CNTN5: variants seen among roughly 807,000 people sequenced by gnomAD.
CNTN5 encodes the protein contactin 5, also known as contactin-5.
Under a neutral mutation model 129.1 loss-of-function variants are expected in CNTN5, and 77 were observed. That is an observed-to-expected ratio of 0.60 (90% confidence interval 0.50 to 0.72). CNTN5 has a LOEUF of 0.72. Among genes scored for constraint, CNTN5 ranks in the 30% least tolerant of loss-of-function variants. The probability of loss-of-function intolerance (pLI) is 0.00; values close to 1 mark genes in which losing one functional copy is unlikely to be tolerated. For missense variants in CNTN5, 1,478 were observed against 1,328.8 expected (o/e 1.11, Z -1.75); for synonymous variants, 509 against 465.6 (o/e 1.09, Z -1.20).
chr11:100,350,680 T>C (rs1413931822), intron 23 of CNTN5, 22 bp from the exon 24 acceptor site: 2 of 1,583,764 alleles, frequency 1.3e-6, no homozygotes, highest in Non-Finnish European at 1.7e-6. Context: ...ATCAAATGTC[T>C]AAACCTTGTT....
At chr11:99,854,131 T>C (rs1056118854) in intron 6 of CNTN5, among the ~76,000 whole-genome samples, 3 of 152,184 alleles carry the variant, frequency 2.0e-5, no homozygotes, top group Non-Finnish European at 4.4e-5. Flanking sequence ...GCAAAATCAG[T>C]ACAAACCATT....
chr11:99,162,157 A>G (rs1227005026), intron 1 of CNTN5, among the ~76,000 whole-genome samples: 3 of 152,158 alleles, frequency 2.0e-5, no homozygotes, highest in African/African-American at 7.2e-5. Flanking sequence ...ATCTAAACTA[A>G]AAAGAGCTAT....
chr11:100,044,152 A>T (rs1338030247), intron 9 of CNTN5, among the ~76,000 whole-genome samples: 1 of 107,948 alleles, frequency 9.3e-6, no homozygotes. Context: ...ATGTACACAC[A>T]TATATATTAC....
intron 15 of CNTN5, among the ~76,000 whole-genome samples, chr11:100,205,538 A>ACAC (rs1016747487): frequency 5.3e-5 from 8 of 152,060 alleles, no homozygotes; most frequent in African/African-American, 1.9e-4. Flanking sequence ...GAGAAGCATG[A>ACAC]CACCATTTTA....
intron 8 of CNTN5, among the ~76,000 whole-genome samples, chr11:99,993,219 C>T (rs1939232675): frequency 6.6e-6 from 1 of 152,118 alleles, no homozygotes; most frequent in African/African-American, 2.4e-5. Context: ...TATGCCTGGA[C>T]TATTATACTC....
chr11:100,342,152 GAC>G (rs3220443), intron 23 of CNTN5, among the ~76,000 whole-genome samples: 1,811 of 146,936 alleles, frequency 0.012, 16 homozygotes, highest in African/African-American at 0.016. Context: ...ATAGATCACA[GAC>G]ACACACACAC....
intron 3 of CNTN5, among the ~76,000 whole-genome samples, chr11:99,666,119 C>T (rs1952782393): frequency 6.6e-6 from 1 of 152,054 alleles, no homozygotes; most frequent in African/African-American, 2.4e-5. Context: ...AGGTATGTGT[C>T]ACCACGCCCG....
intron 2 of CNTN5, among the ~76,000 whole-genome samples, chr11:99,545,249 A>C: frequency 6.6e-6 from 1 of 152,342 alleles, no homozygotes; most frequent in East Asian, 1.9e-4. Flanking sequence ...TTGCCTTGGA[A>C]TTATTTACAA....
chr11:99,748,935 C>T (rs1422954729), intron 3 of CNTN5, among the ~76,000 whole-genome samples: 1 of 152,140 alleles, frequency 6.6e-6, no homozygotes, highest in African/African-American at 2.4e-5. Context: ...TTAGGCCAGT[C>T]AAGTTGACAC....
At chr11:100,276,700 T>A (rs1036702535) in intron 18 of CNTN5, among the ~76,000 whole-genome samples, 1 of 152,066 alleles carries the variant, frequency 6.6e-6, no homozygotes, top group African/African-American at 2.4e-5. Flanking sequence ...AGTAGGTATA[T>A]ATATTTTGGG....
intron 13 of CNTN5, among the ~76,000 whole-genome samples, chr11:100,105,560 A>G (rs1945396017): frequency 6.6e-6 from 1 of 152,146 alleles, no homozygotes; most frequent in Admixed American, 6.5e-5. Flanking sequence ...ACAAACCAAT[A>G]TCGGAAGGAA....
At chr11:100,255,012 C>T (rs944793395) in intron 16 of CNTN5, among the ~76,000 whole-genome samples, 5 of 152,126 alleles carry the variant, frequency 3.3e-5, no homozygotes, top group African/African-American at 1.2e-4. Context: ...ATAATTCGTT[C>T]TTAAAGATGA....
intron 6 of CNTN5, among the ~76,000 whole-genome samples, chr11:99,863,198 G>A (rs933901090): frequency 5.3e-5 from 8 of 151,964 alleles, no homozygotes; most frequent in Admixed American, 1.3e-4. Flanking sequence ...TCTTTCTTCC[G>A]TCAAACTGGA....
Position 100,356,301 on chromosome 11 carries a change from G to T in CNTN5, c.*81G>T, listed in dbSNP as rs201711344. 1 of 936,514 alleles carries T rather than the reference G, an allele frequency of 1.1e-6. No individual in the cohort carries two copies. Among genetic ancestry groups the T allele is most frequent in the East Asian group, 2.6e-5 (1 of 38,378 alleles). 58.0% of individuals were successfully genotyped at this position (936,514 alleles called of 1,614,324 possible). A position where few individuals can be genotyped will look rare whatever the true frequency, so the allele number is the denominator to read the frequency against. ...GAGTGTAGTGTAAGTGGAGAACCAG[G>T]ATCCTGAGATGAGCTTGAGCTTTAA... On this transcript the variant is annotated 3_prime_UTR_variant, in exon 25 of 25. Coordinates refer to ENST00000524871, the MANE Select transcript of CNTN5 (RefSeq NM_014361.4).
intron 2 of CNTN5, among the ~76,000 whole-genome samples, chr11:99,533,257 C>G (rs1454285819): frequency 6.6e-6 from 1 of 152,144 alleles, no homozygotes; most frequent in East Asian, 1.9e-4. Context: ...ATGACAACAA[C>G]AAGAACAAAA....
intron 3 of CNTN5, among the ~76,000 whole-genome samples, chr11:99,573,745 C>G (rs1949256550): frequency 6.6e-6 from 1 of 151,680 alleles, no homozygotes; most frequent in Non-Finnish European, 1.5e-5. Context: ...TTCTCCTGCC[C>G]CTGACCATTT....
rs561588165 is a variant in CNTN5, at chr11:99,721,342, A to G, written c.56-98202A>G. ...GAAATAAGGCCACACATATATGTCCATCTGATCTTTTACAAAACTGACAAA... is the reference window on the plus strand; with the variant it reads ...GAAATAAGGCCACACATATATGTCCGTCTGATCTTTTACAAAACTGACAAA... On this transcript the variant is annotated intron_variant, in intron 3 of 24. Transcript: ENST00000524871. Among the ~76,000 whole-genome samples the G allele has an allele frequency of 2.6e-5, 4 of 152,308 alleles. No individual in the cohort carries two copies. In the South Asian group the frequency reaches 6.2e-4, roughly 24 times the overall value.
intron 6 of CNTN5, among the ~76,000 whole-genome samples, chr11:99,903,244 G>C (rs182783549): frequency 6.6e-6 from 1 of 151,718 alleles, no homozygotes; most frequent in African/African-American, 2.4e-5. Flanking sequence ...ACACATATGC[G>C]AACAGCATAA....
intron 3 of CNTN5, among the ~76,000 whole-genome samples, chr11:99,689,226 A>G (rs897857119): frequency 7.9e-5 from 12 of 152,078 alleles, no homozygotes; most frequent in African/African-American, 2.9e-4. Context: ...TCCTGCCAAC[A>G]AGGTAAAAGC....
Sources: gnomAD v4.1 joint callset for allele counts (sites outside exome capture counted in the v4.1 genomes callset) on GRCh38, gnomAD v4.1.1 for gene constraint, MANE v1.5 for transcripts, NCBI Gene and HGNC (gene_info 2026-07-23, HGNC 2026-07-21) for gene names.